The following PRH1 variants were observed in gnomAD, a reference collection of about 807,000 sequenced individuals.
The protein encoded by PRH1 is salivary acidic proline-rich phosphoprotein 1/2.
Under a neutral mutation model 7.9 loss-of-function variants are expected in PRH1, and 7 were observed. The ratio of observed to expected loss-of-function variants is 0.89; its 90% CI spans 0.50 to 1.67. The LOEUF is 1.67. PRH1 is among the 40% of genes most tolerant of loss of function. The probability of loss-of-function intolerance (pLI) is 0.00; values close to 1 mark genes in which losing one functional copy is unlikely to be tolerated. For synonymous variants in PRH1, 45 were observed against 80.8 expected (o/e 0.56, Z 2.38); for missense variants, 109 against 223.6 (o/e 0.49, Z 3.27).
intron 1 of PRH1, among the ~76,000 whole-genome samples, chr12:11,124,529 T>C (rs1214133224): frequency 6.6e-6 from 1 of 152,292 alleles, no homozygotes; most frequent in Non-Finnish European, 1.5e-5. Context: ...TCTTCAGCAA[T>C]GTATTTTAAA....
chr12:11,059,157 T>C (rs964289942), intron 1 of PRH1, among the ~76,000 whole-genome samples: 1 of 152,122 alleles, frequency 6.6e-6, no homozygotes, highest in Non-Finnish European at 1.5e-5. Flanking sequence ...ACATTCTCCA[T>C]TCTCCCTCCT....
At chr12:11,154,820 C>A (rs1370740388) in intron 1 of PRH1, among the ~76,000 whole-genome samples, 2 of 152,088 alleles carry the variant, frequency 1.3e-5, no homozygotes, top group African/African-American at 4.8e-5. Flanking sequence ...TAAGGAAATT[C>A]CAGAGAGAAT....
chr12:10,934,069 G>A (rs908701526), intron 2 of PRH1, among the ~76,000 whole-genome samples: 12 of 152,130 alleles, frequency 7.9e-5, no homozygotes, highest in African/African-American at 2.9e-4. Flanking sequence ...ACAATGACCA[G>A]CTAGTAAATA....
At chr12:10,939,301 T>G in intron 2 of PRH1, 1 of 697,598 alleles carries the variant, frequency 1.4e-6, no homozygotes, top group South Asian at 2.4e-5. Context: ...TTCTTGAAAA[T>G]TCAATAATAT....
At chr12:11,133,072 GA>G in intron 1 of PRH1, 1 of 541,036 alleles carries the variant, frequency 1.8e-6, no homozygotes, top group Non-Finnish European at 2.8e-6. Context: ...CAGTTTTTGT[GA>G]AAAAACAATA....
chr12:11,052,813 T>C (rs1382540732), intron 1 of PRH1, among the ~76,000 whole-genome samples: 1 of 152,196 alleles, frequency 6.6e-6, no homozygotes, highest in Non-Finnish European at 1.5e-5. Flanking sequence ...CTTATTGTTT[T>C]AGTGTTCAGA....
intron 2 of PRH1, among the ~76,000 whole-genome samples, chr12:10,924,362 T>C (rs1465134359): frequency 6.6e-6 from 1 of 152,126 alleles, no homozygotes; most frequent in African/African-American, 2.4e-5. Flanking sequence ...AAAACAGCAG[T>C]TTATTACTTT....
chr12:11,089,746 GA>G (rs201732725), intron 1 of PRH1, among the ~76,000 whole-genome samples: 2,668 of 81,548 alleles, frequency 0.033, 625 homozygotes, highest in South Asian at 0.051. Flanking sequence ...ATTCACAATA[GA>G]AAAAAAATTC....
In PRH1 at chr12:10,912,934, C is replaced by T. The variant is rs114292793; in HGVS notation, c.-58-28659G>A. 4.3e-3 allele frequency among the ~76,000 whole-genome samples: 657 copies of T among 152,070 alleles called. 5 individuals are homozygous for T. Among genetic ancestry groups the T allele is most frequent in the African/African-American group, 0.015 (615 of 41,468 alleles). On this transcript the variant is annotated intron_variant, in intron 2 of 3. Transcript: ENST00000539853. Reference sequence around the variant, plus strand: ...TATTTGTAATCATGTTATTTAAATCCTATTTACCTTTTCTGAGTTTTGTCT... The same window carrying T: ...TATTTGTAATCATGTTATTTAAATCTTATTTACCTTTTCTGAGTTTTGTCT...
intron 1 of PRH1, chr12:10,997,282 T>A (rs772527915): frequency 1.2e-6 from 2 of 1,614,074 alleles, no homozygotes; most frequent in Non-Finnish European, 8.5e-7. Flanking sequence ...GAGAGTAGAT[T>A]AACAGCAGAA....
chr12:11,074,376 T>C (rs1410929022), intron 1 of PRH1, among the ~76,000 whole-genome samples: 2 of 148,666 alleles, frequency 1.3e-5, no homozygotes, highest in Admixed American at 1.4e-4. Context: ...ACAGCAGTTG[T>C]AAAAGTGGCC....
intron 1 of PRH1, chr12:11,021,919 T>A: frequency 6.2e-7 from 1 of 1,614,200 alleles, no homozygotes; most frequent in Non-Finnish European, 8.5e-7. Context: ...GGTGCTGGGA[T>A]CTTGAGATCC....
chr12:11,133,278 T>A (rs1453874920), intron 1 of PRH1: 1 of 1,592,344 alleles, frequency 6.3e-7, no homozygotes. Flanking sequence ...CACCAGTTTG[T>A]TTTCTGCTAG....
At chr12:11,137,200 T>C (rs1295422370) in intron 1 of PRH1, among the ~76,000 whole-genome samples, 1 of 142,454 alleles carries the variant, frequency 7.0e-6, no homozygotes, top group African/African-American at 2.5e-5. Context: ...GCTCCACCAA[T>C]CTATTCCACG....
intron 1 of PRH1, among the ~76,000 whole-genome samples, chr12:11,104,995 C>T (rs915716815): frequency 6.6e-6 from 1 of 151,600 alleles, no homozygotes; most frequent in East Asian, 1.9e-4. Context: ...ATATATTATA[C>T]ATATTTATTT....
chr12:10,939,551 GTTTTTTT>G (rs60186756), intron 2 of PRH1, among the ~76,000 whole-genome samples: 2 of 123,314 alleles, frequency 1.6e-5, no homozygotes, highest in East Asian at 2.4e-4. Context: ...TGGTTTGTGT[GTTTTTTT>G]TTTTTTTTTT....
At chr12:10,938,456 A>G (rs1950328459) in intron 2 of PRH1, 4 of 1,614,042 alleles carry the variant, frequency 2.5e-6, no homozygotes, top group Admixed American at 1.7e-5. Flanking sequence ...AGAGGTCCAA[A>G]CTGATATGAA....
At chr12:10,953,315 A>G (rs114420436) in intron 2 of PRH1, among the ~76,000 whole-genome samples, 3,009 of 152,306 alleles carry the variant, frequency 0.02, 34 homozygotes, top group South Asian at 0.031. Flanking sequence ...AACAAAGATC[A>G]ATGAAATTCA....
chr12:11,071,910 C>A (rs1338943330), intron 1 of PRH1, among the ~76,000 whole-genome samples: 12 of 152,162 alleles, frequency 7.9e-5, no homozygotes, highest in Admixed American at 6.5e-5. Flanking sequence ...CTGCTTTCTG[C>A]TCCAAAGGTG....
Sources: gnomAD v4.1 joint callset for allele counts (sites outside exome capture counted in the v4.1 genomes callset) on GRCh38, gnomAD v4.1.1 for gene constraint, MANE v1.5 for transcripts, NCBI Gene and HGNC (gene_info 2026-07-23, HGNC 2026-07-21) for gene names.